The following SCUBE1 variants were observed in gnomAD, a reference collection of about 807,000 sequenced individuals.
SCUBE1 encodes the protein signal peptide, CUB and EGF-like domain-containing protein 1.
SCUBE1 carries 59 observed loss-of-function variants against 124.4 expected under a neutral mutation model. The observed-to-expected ratio is 0.47, with a 90% confidence interval of 0.38 to 0.59. SCUBE1 has a LOEUF of 0.59. Ranked by LOEUF, SCUBE1 falls within the 20% of genes least tolerant of loss-of-function variation. The pLI is 0.00. For missense variants in SCUBE1, 1,150 were observed against 1,371.2 expected, an observed-to-expected ratio of 0.84 and a Z score of 2.55; for synonymous variants, 545 against 550.9, an observed-to-expected ratio of 0.99 and a Z score of 0.15.
chr22:43,339,613 ATCCCCTACTCTCCTTACTCTAT>A (rs1927205103), intron 1 of SCUBE1, among the ~76,000 whole-genome samples: 1 of 104,952 alleles, frequency 9.5e-6, no homozygotes, highest in African/African-American at 4.3e-5. Flanking sequence ...TCCTCACTCT[ATCCCCTACTCTCCTTACTCTAT>A]CCCCCCACAA....
intron 7 of SCUBE1, 100 bp downstream of exon 7, chr22:43,238,738 C>T (rs1468388425): frequency 3.2e-6 from 3 of 951,096 alleles, no homozygotes; most frequent in Non-Finnish European, 5.2e-6. Flanking sequence ...CTACACGTGG[C>T]CCCCGTTCAG....
intron 3 of SCUBE1, among the ~76,000 whole-genome samples, chr22:43,294,545 A>G (rs1160458219): frequency 6.6e-6 from 1 of 152,176 alleles, no homozygotes; most frequent in Non-Finnish European, 1.5e-5. Flanking sequence ...GGCACACTCT[A>G]TTATGAGAGG....
chr22:43,318,399 T>A (rs1026974323), intron 3 of SCUBE1: 1 of 152,222 alleles, frequency 6.6e-6, no homozygotes, highest in Non-Finnish European at 1.5e-5. Context: ...GTGCCTATGG[T>A]CCCAGCTATT....
Position 43,210,212 on chromosome 22 carries a change from G to A in SCUBE1, c.2412C>T (p.Asp804=), listed in dbSNP as rs747632376. Residue 804 remains aspartate (D), a synonymous_variant, in exon 19 of 22, where the codon GAC becomes GAT. Coordinates refer to ENST00000360835, the MANE Select transcript of SCUBE1 (RefSeq NM_173050.5). This position sits in a 1 kb window ranked among gnomAD's most constrained non-coding sequence, Gnocchi z 4.5. ...TGGGGGACTCGATGTAGCCGGTGTA[G>A]TCACCAAGCTCGCCGCCGCAGTGCT... ...KNQHCGGELG[D]YTGYIESPNY... The A allele has an allele frequency of 1.3e-6, 2 of 1,577,378 alleles. No individual in the cohort carries two copies. The highest frequency in any genetic ancestry group is 1.7e-4 in the Middle Eastern group (1 of 5,934).
intron 4 of SCUBE1, among the ~76,000 whole-genome samples, chr22:43,281,589 T>A (rs62232107): frequency 0.2 from 24,398 of 122,294 alleles, 3,050 homozygotes; most frequent in East Asian, 0.35. Flanking sequence ...ACCTCCCTTC[T>A]CAGCCACCCT....
intron 3 of SCUBE1, among the ~76,000 whole-genome samples, chr22:43,307,743 C>T (rs1317836218): frequency 2.0e-5 from 3 of 152,156 alleles, no homozygotes; most frequent in Admixed American, 6.5e-5. Context: ...GATTCCGCTT[C>T]GGAAAAAAGA....
At chr22:43,221,363 C>T in intron 12 of SCUBE1, 74 bp from the exon 13 acceptor site, 1 of 785,480 alleles carries the variant, frequency 1.3e-6, no homozygotes, top group Non-Finnish European at 2.2e-6. Context: ...CGGGGGCTGC[C>T]AGGGGACAAA....
At chr22:43,209,860 G>C (rs1921464439) in intron 19 of SCUBE1, among the ~76,000 whole-genome samples, 183 bp downstream of exon 19, 1 of 152,242 alleles carries the variant, frequency 6.6e-6, no homozygotes, top group Admixed American at 6.5e-5. Context: ...TGTAAAGCCA[G>C]CTCTTAGACC....
intron 4 of SCUBE1, among the ~76,000 whole-genome samples, chr22:43,269,641 A>G (rs1279469351): frequency 6.6e-6 from 1 of 152,060 alleles, no homozygotes; most frequent in Non-Finnish European, 1.5e-5. Context: ...TTCCCCCTCA[A>G]CTTGGGAGGA....
chr22:43,222,932 G>A lies in SCUBE1; in HGVS notation c.1327+165C>T, dbSNP rs533779825. Among the ~76,000 whole-genome samples the A allele has an allele frequency of 1.5e-4, 23 of 152,300 alleles. No homozygotes were observed. In the South Asian group the frequency reaches 3.1e-3, roughly 21 times the overall value. ...CACTGGGTTTACTGAGAAGGACAGC[G>A]AGGCCCACAGAAAACCAGACAGCTG... is the stretch of plus-strand genomic sequence containing the variant. On this transcript the variant is annotated intron_variant, in intron 11 of 21. Coordinates refer to ENST00000360835, the MANE Select transcript of SCUBE1 (RefSeq NM_173050.5).
At chr22:43,314,646 A>G (rs780851651) in intron 3 of SCUBE1, among the ~76,000 whole-genome samples, 7 of 152,144 alleles carry the variant, frequency 4.6e-5, no homozygotes, top group Non-Finnish European at 8.8e-5. Context: ...AGTAAGACTT[A>G]GGCAAAAGGT....
Position 43,211,241 on chromosome 22 carries a change from C to T in SCUBE1, c.2222-158G>A, listed in dbSNP as rs554708307. ...GCCCCATGACCTCCCACCACCCTCACTCCGCCATGGCCAGGAAGAGCCCTT... is the reference window on the plus strand; with the variant it reads ...GCCCCATGACCTCCCACCACCCTCATTCCGCCATGGCCAGGAAGAGCCCTT... On this transcript the variant is annotated intron_variant, in intron 17 of 21. Transcript: ENST00000360835. The surrounding 1 kb of genome is among the most constrained non-coding windows in gnomAD (Gnocchi z 4.5). 2.3e-4 allele frequency among the ~76,000 whole-genome samples: 35 copies of T among 152,326 alleles called. No homozygotes were observed. The highest frequency in any genetic ancestry group is 3.7e-4 in the Non-Finnish European group (25 of 68,032).
At chr22:43,304,865 C>T (rs1925908337) in intron 3 of SCUBE1, among the ~76,000 whole-genome samples, 1 of 152,162 alleles carries the variant, frequency 6.6e-6, no homozygotes, top group African/African-American at 2.4e-5. Context: ...TCCCTTTGCA[C>T]ACCCCTAGTA....
chr22:43,321,419 C>T (rs1237884412), intron 2 of SCUBE1, among the ~76,000 whole-genome samples: 1 of 152,186 alleles, frequency 6.6e-6, no homozygotes, highest in Non-Finnish European at 1.5e-5. Context: ...GTAGGAGTGC[C>T]GGTCTGCAAG....
intron 2 of SCUBE1, among the ~76,000 whole-genome samples, chr22:43,334,505 CGAT>C (rs1352801807): frequency 1.3e-5 from 2 of 152,092 alleles, no homozygotes; most frequent in Non-Finnish European, 2.9e-5. Flanking sequence ...AACATAGTGA[CGAT>C]GATGATGATC....
At chr22:43,268,238 C>T (rs530038550) in intron 4 of SCUBE1, among the ~76,000 whole-genome samples, 13 of 152,360 alleles carry the variant, frequency 8.5e-5, no homozygotes, top group African/African-American at 2.6e-4. Context: ...GTTCAAACTC[C>T]GTCCTCCTGT....
In SCUBE1 at chr22:43,210,832, C is replaced by T; in HGVS notation, c.2383+90G>A. 1 of 1,458,458 alleles carries T rather than the reference C, an allele frequency of 6.9e-7. No homozygotes were observed. The allele number at this position is 1,458,458 out of a possible 1,614,324, so 90.3% of individuals were successfully genotyped here. Reference sequence around the variant, plus strand: ...GGAGGAGTCCAGTGTCCTCGTGGAGCTCGTGTGAGATCAGGTCTCCTCCCG... The same window carrying T: ...GGAGGAGTCCAGTGTCCTCGTGGAGTTCGTGTGAGATCAGGTCTCCTCCCG... On this transcript the variant is annotated intron_variant, in intron 18 of 21. Transcript: ENST00000360835. The surrounding 1 kb of genome is among the most constrained non-coding windows in gnomAD (Gnocchi z 4.5).
rs1921082891 is a variant in SCUBE1, at chr22:43,203,359, A to AGTATATATATATATTTATATATATATTT, written c.*610_*637dup. The AGTATATATATATATTTATATATATATTT allele has an allele frequency of 6.8e-6, 1 of 147,218 alleles. No homozygotes were observed. The highest frequency in any genetic ancestry group is 1.5e-5 in the Non-Finnish European group (1 of 66,654). 9.1% of individuals were successfully genotyped at this position (147,218 alleles called of 1,614,324 possible). A position where few individuals can be genotyped will look rare whatever the true frequency, so the allele number is the denominator to read the frequency against. On this transcript the variant is annotated 3_prime_UTR_variant, in exon 22 of 22. Coordinates refer to ENST00000360835, the MANE Select transcript of SCUBE1 (RefSeq NM_173050.5). Reference sequence around the variant, plus strand: ...TTTTCCTAAAGTACCCACAAATAGAAGTATATATATATATTTATATATATA... The same window carrying AGTATATATATATATTTATATATATATTT: ...TTTTCCTAAAGTACCCACAAATAGAAGTATATATATATATTTATATATATATTTGTATATATATATATTTATATATATA...
chr22:43,240,479 C>T (rs1418806010), intron 6 of SCUBE1, among the ~76,000 whole-genome samples: 1 of 152,230 alleles, frequency 6.6e-6, no homozygotes, highest in Admixed American at 6.5e-5. Flanking sequence ...TCCTCAGGCT[C>T]ATGCAGGTGG....
Sources: gnomAD v4.1 joint callset for allele counts (sites outside exome capture counted in the v4.1 genomes callset) on GRCh38, gnomAD v4.1.1 for gene constraint, Gnocchi (gnomAD v3.1) non-coding constraint, MANE v1.5 for transcripts, NCBI Gene and HGNC (gene_info 2026-07-23, HGNC 2026-07-21) for gene names.